The following ASIC2 variants were observed in gnomAD, a reference collection of about 807,000 sequenced individuals.
The protein encoded by ASIC2 is acid-sensing ion channel 2.
A neutral mutation model predicts 57.3 loss-of-function variants in ASIC2; 25 were observed. That is an observed-to-expected ratio of 0.44 (90% CI 0.32 to 0.61). The LOEUF (loss-of-function observed/expected upper bound fraction) is 0.61. Ranked by LOEUF, ASIC2 falls within the 20% of genes least tolerant of loss-of-function variation. The pLI, the probability that ASIC2 is intolerant of heterozygous loss-of-function variation, is 0.06. For synonymous variants in ASIC2, 319 were observed against 307.5 expected (o/e 1.04, Z -0.39); for missense variants, 641 against 738.1 (o/e 0.87, Z 1.52).
At chr17:33,316,258 T>C (rs979548394) in intron 1 of ASIC2, among the ~76,000 whole-genome samples, 2 of 152,174 alleles carry the variant, frequency 1.3e-5, no homozygotes, top group Non-Finnish European at 2.9e-5. Flanking sequence ...GTCTCTCCTT[T>C]GCTGAACACG....
At chr17:33,067,092 G>T (rs1398587279) in intron 3 of ASIC2, among the ~76,000 whole-genome samples, 1 of 152,180 alleles carries the variant, frequency 6.6e-6, no homozygotes, top group African/African-American at 2.4e-5. Flanking sequence ...TGGCGAGCAT[G>T]GCTCTCCGGG....
intron 1 of ASIC2, among the ~76,000 whole-genome samples, chr17:33,836,633 T>G (rs1913282216): frequency 6.6e-6 from 1 of 151,992 alleles, no homozygotes; most frequent in Admixed American, 6.5e-5. Context: ...GGCAGGTGGA[T>G]CACAAGATCA....
Position 34,154,943 on chromosome 17 carries a change from G to T in ASIC2, c.555+1035C>A, listed in dbSNP as rs113996320. On this transcript the variant is annotated intron_variant, in intron 1 of 9. Coordinates refer to the ASIC2 transcript ENST00000359872. Reference sequence around the variant, plus strand: ...TGTATGACCTATTATGCCAAGTTATGCCTAGCAGCCCACTAACTGGAGAAC... The same window carrying T: ...TGTATGACCTATTATGCCAAGTTATTCCTAGCAGCCCACTAACTGGAGAAC... 7.8e-3 allele frequency among the ~76,000 whole-genome samples: 1,190 copies of T among 152,102 alleles called. 22 individuals are homozygous for T. The highest frequency in any genetic ancestry group is 0.027 in the African/African-American group (1,108 of 41,474).
At chr17:33,753,220 G>A (rs190045763) in intron 1 of ASIC2, among the ~76,000 whole-genome samples, 8 of 152,252 alleles carry the variant, frequency 5.3e-5, no homozygotes, top group African/African-American at 1.9e-4. Flanking sequence ...GCTACATACC[G>A]TATGATTCCA....
chr17:33,841,495 C>A (rs1913436131), intron 1 of ASIC2, among the ~76,000 whole-genome samples: 1 of 152,208 alleles, frequency 6.6e-6, no homozygotes, highest in East Asian at 1.9e-4. Context: ...GAGTGCACAT[C>A]CCAGGTTCAG....
intron 1 of ASIC2, among the ~76,000 whole-genome samples, chr17:33,705,226 AT>A (rs1597842489): frequency 6.6e-6 from 1 of 152,360 alleles, no homozygotes; most frequent in East Asian, 1.9e-4. Context: ...ATAATATAGA[AT>A]TGAAAGTCTC....
intron 1 of ASIC2, among the ~76,000 whole-genome samples, chr17:33,738,072 G>C (rs970091582): frequency 2.6e-5 from 4 of 152,210 alleles, no homozygotes; most frequent in African/African-American, 9.7e-5. Flanking sequence ...ATAAAAGTAG[G>C]TGTCTAAGAA....
chr17:34,039,750 G>C (rs748460372), intron 1 of ASIC2: 3 of 1,612,070 alleles, frequency 1.9e-6, no homozygotes, highest in Non-Finnish European at 2.5e-6. Context: ...AGGATCCGAC[G>C]CTGCACAAGC....
At chr17:34,125,638 T>C (rs879560640) in intron 1 of ASIC2, among the ~76,000 whole-genome samples, 64 of 152,178 alleles carry the variant, frequency 4.2e-4, no homozygotes, top group Admixed American at 1.3e-4. Context: ...CCTCTCAGTG[T>C]ATTTTAATAA....
intron 1 of ASIC2, among the ~76,000 whole-genome samples, chr17:33,199,314 G>T (rs999967756): frequency 6.6e-6 from 1 of 152,206 alleles, no homozygotes; most frequent in Non-Finnish European, 1.5e-5. Flanking sequence ...TGTCTGACGC[G>T]TGAGAAGCAC....
intron 1 of ASIC2, among the ~76,000 whole-genome samples, chr17:33,607,516 G>C (rs889027030): frequency 6.6e-6 from 1 of 152,086 alleles, no homozygotes; most frequent in Non-Finnish European, 1.5e-5. Flanking sequence ...GCGATCTTTC[G>C]AAAGCTGTTT....
chr17:33,807,582 TTCTTC>T lies in ASIC2; in HGVS notation c.555+348391_555+348395del, dbSNP rs113821898. ...CTCTTTCTTTCCCTCTTTACTCTCT[TTCTTC>T]TCTTGTCTCTCCCCTTTTCCTAAAC... On this transcript the variant is annotated intron_variant, in intron 1 of 9. Coordinates refer to the ASIC2 transcript ENST00000359872. Among the ~76,000 whole-genome samples, 116 of 152,260 alleles carry T rather than the reference TTCTTC, an allele frequency of 7.6e-4. 2 individuals carry two copies. Among genetic ancestry groups the T allele is most frequent in the African/African-American group, 2.7e-3 (113 of 41,530 alleles).
chr17:34,012,483 C>T (rs368500571), intron 1 of ASIC2, among the ~76,000 whole-genome samples: 16 of 152,308 alleles, frequency 1.1e-4, no homozygotes, highest in Middle Eastern at 6.8e-3. Flanking sequence ...GGCTGCATGG[C>T]CTCCCTGTGA....
chr17:33,894,338 CGTGCGTGCGTGCGTGTGTGTGT>C (rs1261123662), intron 1 of ASIC2, among the ~76,000 whole-genome samples: 3 of 93,984 alleles, frequency 3.2e-5, no homozygotes, highest in South Asian at 3.6e-4. Flanking sequence ...TGCGTGCGTG[CGTGCGTGCGTGCGTGTGTGTGT>C]GTGTGTGTGT....
At chr17:33,429,804 G>A (rs1173149742) in intron 1 of ASIC2, among the ~76,000 whole-genome samples, 2 of 152,082 alleles carry the variant, frequency 1.3e-5, no homozygotes, top group Admixed American at 6.5e-5. Flanking sequence ...AAGAGCATAG[G>A]GCTTTCCAGG....
At chr17:33,576,034 C>T (rs1916611330) in intron 1 of ASIC2, among the ~76,000 whole-genome samples, 2 of 152,318 alleles carry the variant, frequency 1.3e-5, no homozygotes, top group Admixed American at 1.3e-4. Flanking sequence ...AAAAACTGGA[C>T]ACAGTTCCTA....
chr17:33,792,522 A>C (rs1911803752), intron 1 of ASIC2: 1 of 152,240 alleles, frequency 6.6e-6, no homozygotes, highest in African/African-American at 2.4e-5. Context: ...AATTACACTC[A>C]ACCCAAGAAG....
chr17:33,864,129 C>T (rs954092412), intron 1 of ASIC2, among the ~76,000 whole-genome samples: 1 of 152,108 alleles, frequency 6.6e-6, no homozygotes, highest in East Asian at 1.9e-4. Flanking sequence ...TCTCGAATTC[C>T]TGACCTCAGG....
chr17:34,077,534 C>T (rs946493502), intron 1 of ASIC2, among the ~76,000 whole-genome samples: 5 of 152,194 alleles, frequency 3.3e-5, no homozygotes, highest in African/African-American at 7.2e-5. Flanking sequence ...TTCCTGGAAA[C>T]GGTTACCATG....
Sources: gnomAD v4.1 joint callset for allele counts (sites outside exome capture counted in the v4.1 genomes callset) on GRCh38, gnomAD v4.1.1 for gene constraint, MANE v1.5 for transcripts, NCBI Gene and HGNC (gene_info 2026-07-23, HGNC 2026-07-21) for gene names.